The following ELP4 variants were observed in gnomAD, a reference collection of about 807,000 sequenced individuals.
ELP4 encodes the protein elongator acetyltransferase complex subunit 4, also known as elongator complex protein 4.
A neutral mutation model predicts 48.9 loss-of-function variants in ELP4; 51 were observed. That is an observed-to-expected ratio of 1.04 (90% CI 0.83 to 1.32). ELP4 has a LOEUF of 1.32. Among genes scored for constraint, ELP4 ranks in the 40% most tolerant of loss-of-function variants. ELP4 has a pLI of 0.00. For missense variants in ELP4, 519 were observed against 514.6 expected (o/e 1.01, Z -0.08); for synonymous variants, 210 against 189.2 (o/e 1.11, Z -0.90).
chr11:31,725,873 A>G (rs764858203), intron 9 of ELP4, among the ~76,000 whole-genome samples: 3 of 152,146 alleles, frequency 2.0e-5, no homozygotes, highest in African/African-American at 4.8e-5. Flanking sequence ...ACTACTCCCC[A>G]TGCCGTTATA....
intron 2 of ELP4, among the ~76,000 whole-genome samples, chr11:31,520,793 T>C (rs952087629): frequency 2.0e-5 from 3 of 152,090 alleles, no homozygotes; most frequent in Admixed American, 6.5e-5. Context: ...TCAAATATTC[T>C]CCAAACTAAA....
intron 9 of ELP4, among the ~76,000 whole-genome samples, chr11:31,766,243 A>T (rs184526649): frequency 3.0e-4 from 46 of 152,280 alleles, no homozygotes; most frequent in Non-Finnish European, 5.4e-4. Flanking sequence ...AAAAAAGAAA[A>T]CAATAACCAC....
intron 2 of ELP4, among the ~76,000 whole-genome samples, chr11:31,537,835 C>A (rs1424210389): frequency 2.0e-5 from 3 of 152,112 alleles, no homozygotes; most frequent in Non-Finnish European, 4.4e-5. Flanking sequence ...GGGACACAGA[C>A]CCAAACCATA....
intron 1 of ELP4, 131 bp downstream of exon 1, chr11:31,510,138 T>A: frequency 1.3e-6 from 1 of 799,134 alleles, no homozygotes; most frequent in Non-Finnish European, 2.0e-6. Context: ...TAGCCTGGTC[T>A]GATTGAGATG....
intron 3 of ELP4, among the ~76,000 whole-genome samples, chr11:31,567,456 A>G (rs1052110896): frequency 5.3e-5 from 8 of 152,248 alleles, no homozygotes; most frequent in African/African-American, 1.9e-4. Flanking sequence ...ACACCAAGAA[A>G]AACAAGCAAG....
intron 9 of ELP4, among the ~76,000 whole-genome samples, chr11:31,751,886 C>A (rs866752828): frequency 1.5e-4 from 23 of 152,210 alleles, no homozygotes; most frequent in Middle Eastern, 3.4e-3. Flanking sequence ...CTACCCTTTA[C>A]AATATGCCAG....
Position 31,673,189 on chromosome 11 carries a change from G to A in ELP4, c.1143+22968G>A, listed in dbSNP as rs537792973. Among the ~76,000 whole-genome samples, 4 of 152,112 alleles carry A rather than the reference G, an allele frequency of 2.6e-5. No individual in the cohort carries two copies. The East Asian group carries it at 7.8e-4, about 30-fold the overall frequency. On this transcript the variant is annotated intron_variant, in intron 9 of 9. Coordinates refer to ENST00000640961, the MANE Select transcript of ELP4 (RefSeq NM_019040.5). Reference sequence around the variant, plus strand: ...GCACCACCATGTCCGGCTAATTTTTGTATTTTTAGTAGAGATGGGGTTTCG... The same window carrying A: ...GCACCACCATGTCCGGCTAATTTTTATATTTTTAGTAGAGATGGGGTTTCG...
At chr11:31,683,197 T>C (rs1337985889) in intron 9 of ELP4, among the ~76,000 whole-genome samples, 1 of 152,184 alleles carries the variant, frequency 6.6e-6, no homozygotes, top group Non-Finnish European at 1.5e-5. Flanking sequence ...CACACAAATG[T>C]GTAGTTTCTT....
At chr11:31,719,602 A>G (rs990368772) in intron 9 of ELP4, 1 of 396,856 alleles carries the variant, frequency 2.5e-6, no homozygotes, top group Non-Finnish European at 4.4e-6. Flanking sequence ...ATGACAGAAG[A>G]AAAAAATGTT....
chr11:31,655,017 A>G (rs1945399259), intron 9 of ELP4, among the ~76,000 whole-genome samples: 1 of 152,150 alleles, frequency 6.6e-6, no homozygotes, highest in South Asian at 2.1e-4. Flanking sequence ...CAGAAAGAAA[A>G]GAAAATCAAA....
At chr11:31,593,483 AT>A (rs2133988070) in intron 3 of ELP4, among the ~76,000 whole-genome samples, 1 of 152,110 alleles carries the variant, frequency 6.6e-6, no homozygotes, top group Admixed American at 6.6e-5. Context: ...AACTCAAGTG[AT>A]CCCCCCCTAC....
intron 3 of ELP4, among the ~76,000 whole-genome samples, chr11:31,553,156 T>C (rs1210028404): frequency 2.0e-5 from 3 of 152,218 alleles, no homozygotes; most frequent in Non-Finnish European, 4.4e-5. Context: ...TATTAGTTCA[T>C]TGTGTTTCTT....
At chr11:31,571,118 C>T (rs1264180266) in intron 3 of ELP4, among the ~76,000 whole-genome samples, 1 of 152,062 alleles carries the variant, frequency 6.6e-6, no homozygotes, top group Non-Finnish European at 1.5e-5. Flanking sequence ...ACCTTTTTAA[C>T]AAACCTGCAC....
chr11:31,696,132 T>C (rs1946399277), intron 9 of ELP4, among the ~76,000 whole-genome samples: 1 of 152,162 alleles, frequency 6.6e-6, no homozygotes, highest in African/African-American at 2.4e-5. Context: ...CTGGATTCAT[T>C]GATTTTTCGA....
chr11:31,688,753 G>A (rs1457954633), intron 9 of ELP4, among the ~76,000 whole-genome samples: 1 of 152,148 alleles, frequency 6.6e-6, no homozygotes, highest in African/African-American at 2.4e-5. Context: ...TGTGAAGAGT[G>A]AACAGTATGT....
chr11:31,547,072 A>G (rs1319838019), intron 3 of ELP4, among the ~76,000 whole-genome samples: 2 of 152,192 alleles, frequency 1.3e-5, no homozygotes, highest in Non-Finnish European at 2.9e-5. Context: ...CACAATTAAA[A>G]GAACTAGAGA....
chr11:31,598,109 C>T (rs1400134827), intron 4 of ELP4, among the ~76,000 whole-genome samples: 1 of 151,900 alleles, frequency 6.6e-6, no homozygotes. Flanking sequence ...ATGCACACCA[C>T]CACACCCAGA....
At chr11:31,638,519 TA>T (rs1945026713) in intron 7 of ELP4, among the ~76,000 whole-genome samples, 1 of 151,852 alleles carries the variant, frequency 6.6e-6, no homozygotes, top group Non-Finnish European at 1.5e-5. Context: ...CATGTTAGCT[TA>T]TACCAAGGAA....
chr11:31,575,011 G>A (rs939357716), intron 3 of ELP4, among the ~76,000 whole-genome samples: 3 of 152,130 alleles, frequency 2.0e-5, no homozygotes, highest in South Asian at 2.1e-4. Flanking sequence ...AAGGATATTC[G>A]AACCCATCAC....
Sources: allele counts gnomAD v4.1 joint callset (sites outside exome capture counted in the v4.1 genomes callset), GRCh38; gene constraint gnomAD v4.1.1; transcripts MANE v1.5; gene names NCBI Gene and HGNC (gene_info 2026-07-23, HGNC 2026-07-21).